The following CYREN variants were observed in gnomAD, a reference collection of about 807,000 sequenced individuals.
CYREN encodes the protein cell cycle regulator of NHEJ.
CYREN carries 7 observed loss-of-function variants against 9.7 expected under a neutral mutation model. The observed-to-expected ratio is 0.72, with a 90% CI of 0.41 to 1.36. The LOEUF (loss-of-function observed/expected upper bound fraction) is 1.36. Among genes scored for constraint, CYREN ranks in the 40% most tolerant of loss-of-function variants. CYREN has a pLI of 0.01. For synonymous variants in CYREN, 76 were observed against 77.9 expected, an observed-to-expected ratio of 0.98 and a Z score of 0.13; for missense variants, 215 against 198.1, an observed-to-expected ratio of 1.09 and a Z score of -0.51.
chr7:135,164,559 A>G, downstream of CYREN: 1 of 1,614,206 alleles, frequency 6.2e-7, no homozygotes, highest in Non-Finnish European at 8.5e-7. Flanking sequence ...TGGCAACCTC[A>G]CTGACCTGCC....
intron 2 of CYREN, among the ~76,000 whole-genome samples, chr7:135,108,505 T>G (rs1384258816): frequency 6.6e-6 from 1 of 152,174 alleles, no homozygotes; most frequent in Non-Finnish European, 1.5e-5. Flanking sequence ...GTTCAAAATT[T>G]TTTTCTTTAA....
rs1048302958 is a variant in CYREN at position 135,167,824 on chromosome 7, C to G, written c.138-17G>C. 2.5e-6 allele frequency: 4 copies of G among 1,614,110 alleles called. No homozygotes were observed. Among genetic ancestry groups the G allele is most frequent in the Non-Finnish European group, 3.4e-6 (4 of 1,179,994 alleles). ...GCAGGGAGTCTGAAAAAAAGACATG[C>G]AAGGCACAGATGACACAGACTCTCA... On this transcript the variant is annotated splice_polypyrimidine_tract_variant and intron_variant, in intron 2 of 3. Coordinates refer to ENST00000393114, the MANE Select transcript of CYREN (RefSeq NM_024033.4).
chr7:135,129,723 TG>T (rs1828462776), intron 2 of CYREN: 2 of 736,282 alleles, frequency 2.7e-6, no homozygotes, highest in South Asian at 2.9e-5. Context: ...GGAAGTGGAT[TG>T]GTTTTCCCTA....
intron 2 of CYREN, among the ~76,000 whole-genome samples, chr7:135,098,811 ATT>A (rs1340162454): frequency 6.6e-6 from 1 of 152,184 alleles, no homozygotes; most frequent in Non-Finnish European, 1.5e-5. Flanking sequence ...GAAATATGTC[ATT>A]GTTAGTTTTT....
intron 2 of CYREN, among the ~76,000 whole-genome samples, chr7:135,113,297 A>G (rs908134674): frequency 6.6e-6 from 1 of 152,220 alleles, no homozygotes; most frequent in Non-Finnish European, 1.5e-5. Flanking sequence ...AACATAAACA[A>G]AAGTAGAAAT....
intron 2 of CYREN, among the ~76,000 whole-genome samples, chr7:135,131,604 A>G (rs1828789681): frequency 6.6e-6 from 1 of 152,066 alleles, no homozygotes; most frequent in Non-Finnish European, 1.5e-5. Context: ...AAAAATGAGA[A>G]AACATCTGAA....
chr7:135,165,086 A>G (rs1048380947), downstream of CYREN: 13 of 1,451,024 alleles, frequency 9.0e-6, no homozygotes, highest in African/African-American at 1.4e-5. Flanking sequence ...GCTAACGCTG[A>G]TCTCCAGCTC....
chr7:135,167,592 A>G (rs1830263354), intron 3 of CYREN, 140 bp downstream of exon 3: 2 of 1,471,082 alleles, frequency 1.4e-6, no homozygotes, highest in South Asian at 2.8e-5. Context: ...AGCATGGCCG[A>G]GATAAGAGCA....
chr7:135,115,279 G>A, intron 2 of CYREN: 1 of 710,990 alleles, frequency 1.4e-6, no homozygotes, highest in Non-Finnish European at 2.3e-6. Context: ...CTTCAGATGG[G>A]CAAGGAATTT....
At chr7:135,095,391 G>A (rs1822514743) in intron 2 of CYREN, among the ~76,000 whole-genome samples, 1 of 152,082 alleles carries the variant, frequency 6.6e-6, no homozygotes, top group Admixed American at 6.6e-5. Context: ...GTCGTTCTTT[G>A]GAAATCCTAA....
chr7:135,167,011 C>G, intron 3 of CYREN, 140 bp from the exon 4 acceptor site: 1 of 1,468,972 alleles, frequency 6.8e-7, no homozygotes, highest in African/African-American at 1.4e-5. Context: ...ATATCCTGAG[C>G]ACCCACCCTC....
intron 2 of CYREN, among the ~76,000 whole-genome samples, chr7:135,098,283 C>A (rs951491298): frequency 6.6e-5 from 10 of 152,164 alleles, no homozygotes; most frequent in Non-Finnish European, 2.9e-5. Context: ...ATGCTCAAGT[C>A]CTGTTGTAAA....
intron 2 of CYREN, among the ~76,000 whole-genome samples, chr7:135,095,447 C>A (rs1027673404): frequency 5.3e-5 from 8 of 152,120 alleles, no homozygotes; most frequent in Non-Finnish European, 1.2e-4. Flanking sequence ...GAATTCCAAG[C>A]CTTTGATACT....
chr7:135,139,354 T>C (rs556192720), intron 2 of CYREN, among the ~76,000 whole-genome samples: 1 of 152,232 alleles, frequency 6.6e-6, no homozygotes, highest in Admixed American at 6.6e-5. Flanking sequence ...GAGAATTTTT[T>C]CATATGCTTG....
intron 2 of CYREN, among the ~76,000 whole-genome samples, chr7:135,097,412 T>G (rs1318654193): frequency 2.0e-5 from 3 of 152,180 alleles, no homozygotes; most frequent in Non-Finnish European, 2.9e-5. Context: ...CTATGAATAT[T>G]TTAATGAAAC....
chr7:135,119,025 G>GGACT (rs1826734651), intron 2 of CYREN, among the ~76,000 whole-genome samples: 2 of 152,134 alleles, frequency 1.3e-5, no homozygotes, highest in Non-Finnish European at 2.9e-5. Flanking sequence ...GGCACCTGTA[G>GGACT]GACTATAAGA....
At chr7:135,142,205 G>A (rs1470663681) in intron 2 of CYREN, among the ~76,000 whole-genome samples, 1 of 150,932 alleles carries the variant, frequency 6.6e-6, no homozygotes, top group African/African-American at 2.5e-5. Flanking sequence ...ATCTGCAGCT[G>A]CATTTGCCCA....
downstream of CYREN, among the ~76,000 whole-genome samples, chr7:135,162,313 T>C (rs1829963378): frequency 6.6e-6 from 1 of 152,192 alleles, no homozygotes; most frequent in African/African-American, 2.4e-5. Context: ...CACCTGGGAC[T>C]CCCTGCTGGG....
At chr7:135,162,818 T>C (rs1360201265), downstream of CYREN, among the ~76,000 whole-genome samples, 2 of 152,222 alleles carry the variant, frequency 1.3e-5, no homozygotes, top group African/African-American at 4.8e-5. Flanking sequence ...AAATACAGTG[T>C]GCAGACCACT....
Sources: allele counts gnomAD v4.1 joint callset (sites outside exome capture counted in the v4.1 genomes callset), GRCh38; gene constraint gnomAD v4.1.1; transcripts MANE v1.5; gene names NCBI Gene and HGNC (gene_info 2026-07-23, HGNC 2026-07-21).